Variants in INTS6L observed in about 807,000 individuals in gnomAD.
INTS6L encodes the protein integrator complex subunit 6 like, also known as integrator complex subunit 6-like.
In INTS6L, 18 loss-of-function variants were observed where a neutral mutation model predicts 64.7. The ratio of observed to expected loss-of-function variants is 0.28; its 90% CI spans 0.19 to 0.41. INTS6L has a LOEUF of 0.41. INTS6L is among the 10% of genes least tolerant of loss of function. The pLI is 1.00. For synonymous variants in INTS6L, 227 were observed against 235.9 expected, an observed-to-expected ratio of 0.96 and a Z score of 0.34; for missense variants, 533 against 661.0, an observed-to-expected ratio of 0.81 and a Z score of 2.12.
intron 2 of INTS6L, among the ~76,000 whole-genome samples, chrX:135,521,719 G>C (rs1466693362): frequency 1.1e-4 from 11 of 97,515 alleles, no homozygotes; most frequent in African/African-American, 4.1e-4. Flanking sequence ...CTGCGAGGCG[G>C]GCCCGCCCCT....
At chrX:135,544,829 ACT>A (rs1569509890) in intron 2 of INTS6L, among the ~76,000 whole-genome samples, 1 of 111,310 alleles carries the variant, frequency 9.0e-6, no homozygotes, top group Non-Finnish European at 1.9e-5. Context: ...CTTTGCCAAA[ACT>A]TTTTGTTTCT....
rs1345413847 is a variant in INTS6L, at chrX:135,547,177, A to G, written c.654A>G (p.Gln218=). ...TGAGAACACAAAGAATGTTGAATCA[A>G]TGTTTAGAATCTCTAGTTCAAAAAG... The part of the protein sequence containing the change: ...YCVRTQRMLN[Q]CLESLVQKVQ... The change falls in exon 6 of 18, where the codon CAA becomes CAG. Residue 218 remains glutamine (Q), a synonymous_variant. Coordinates refer to ENST00000639893, the MANE Select transcript of INTS6L (RefSeq NM_001351601.3). 1 of 1,208,893 alleles carries G rather than the reference A, an allele frequency of 8.3e-7. No homozygotes were observed. The highest frequency in any genetic ancestry group is 1.1e-6 in the Non-Finnish European group (1 of 894,483).
At chrX:135,530,259 T>C (rs782013595) in intron 2 of INTS6L, among the ~76,000 whole-genome samples, 37 of 112,276 alleles carry the variant, frequency 3.3e-4, no homozygotes, top group Non-Finnish European at 6.4e-4. Flanking sequence ...TTGTGGTGCA[T>C]ATGTTTGTAA....
chrX:135,563,627 G>GTA (rs144797909), intron 9 of INTS6L, among the ~76,000 whole-genome samples: 2 of 3,058 alleles, frequency 6.5e-4, no homozygotes, highest in African/African-American at 7.4e-4. Flanking sequence ...ATATGTGTGT[G>GTA]TGTGTGTATA....
At chrX:135,577,671 A>G (rs191136827) in intron 15 of INTS6L, among the ~76,000 whole-genome samples, 4 of 112,339 alleles carry the variant, frequency 3.6e-5, no homozygotes, top group African/African-American at 6.5e-5. Flanking sequence ...ACAGTAATTA[A>G]CAGTAATGAA....
intron 17 of INTS6L, 80 bp downstream of exon 17, chrX:135,581,223 T>A: frequency 1.3e-6 from 1 of 748,614 alleles, no homozygotes; most frequent in Non-Finnish European, 1.9e-6. Flanking sequence ...AAGAGAGGAA[T>A]AGGCTCTGCC....
At chrX:135,522,824 A>G (rs782373178) in intron 2 of INTS6L, among the ~76,000 whole-genome samples, 58 of 112,613 alleles carry the variant, frequency 5.2e-4, no homozygotes, top group African/African-American at 1.7e-3. Flanking sequence ...TTGTGATTCT[A>G]TCCATTTAGA....
intron 6 of INTS6L, among the ~76,000 whole-genome samples, chrX:135,549,024 T>A (rs1556516172): frequency 8.9e-6 from 1 of 112,027 alleles, no homozygotes. Flanking sequence ...AGTGAATTAG[T>A]CCACGATAAA....
At chrX:135,521,383 C>G in intron 2 of INTS6L, 65 bp downstream of exon 2, 1 of 1,087,284 alleles carries the variant, frequency 9.2e-7, no homozygotes, top group Non-Finnish European at 1.2e-6. Context: ...GCTGCTTACC[C>G]CCCTGCCCCC....
At chrX:135,561,461 T>C (rs976710606) in intron 9 of INTS6L, among the ~76,000 whole-genome samples, 2 of 112,267 alleles carry the variant, frequency 1.8e-5, no homozygotes, top group East Asian at 5.5e-4. Flanking sequence ...TTTGTGTCTA[T>C]ATTCATGAAA....
chrX:135,563,699 C>T (rs1044624638), intron 9 of INTS6L, among the ~76,000 whole-genome samples: 4 of 100,864 alleles, frequency 4.0e-5, no homozygotes, highest in Non-Finnish European at 5.9e-5. Flanking sequence ...ATAGAATTCT[C>T]GGTTGACAGT....
intron 14 of INTS6L, 140 bp downstream of exon 14, chrX:135,575,366 G>T: frequency 1.3e-6 from 1 of 751,347 alleles, no homozygotes; most frequent in Non-Finnish European, 1.9e-6. Flanking sequence ...GGCTCTTAGT[G>T]GGAGCCTCCT....
intron 2 of INTS6L, among the ~76,000 whole-genome samples, chrX:135,533,991 T>C (rs935522226): frequency 2.7e-5 from 3 of 110,846 alleles, no homozygotes; most frequent in African/African-American, 9.9e-5. Flanking sequence ...AGCAGTGCAA[T>C]TGACTTTTGG....
Position 135,573,050 on chromosome X carries a change from A to G in INTS6L, c.1617+17A>G. On this transcript the variant is annotated intron_variant, in intron 12 of 17. Coordinates refer to ENST00000639893, the MANE Select transcript of INTS6L (RefSeq NM_001351601.3). ...TTAAACAAGGTAAATTGTGACATAAATAGTTTGTATTTGTTTGAACTTGTC... is the reference window on the plus strand; with the variant it reads ...TTAAACAAGGTAAATTGTGACATAAGTAGTTTGTATTTGTTTGAACTTGTC... 8.7e-7 allele frequency: 1 copy of G among 1,148,806 alleles called. No homozygotes were observed. The highest frequency in any genetic ancestry group is 1.2e-6 in the Non-Finnish European group (1 of 843,481). The allele number at this position is 1,148,806 out of a possible 1,213,427, so 94.7% of individuals were successfully genotyped here.
At chrX:135,566,758 AC>A (rs1339512578) in intron 9 of INTS6L, among the ~76,000 whole-genome samples, 1 of 112,191 alleles carries the variant, frequency 8.9e-6, no homozygotes, top group Non-Finnish European at 1.9e-5. Flanking sequence ...TTCTATTGAG[AC>A]CTAATAACTG....
At chrX:135,548,664 A>G (rs1325717134) in intron 6 of INTS6L, among the ~76,000 whole-genome samples, 3 of 110,834 alleles carry the variant, frequency 2.7e-5, no homozygotes, top group African/African-American at 9.8e-5. Flanking sequence ...TGTGAGCTCA[A>G]CTTTGGGGGG....
At chrX:135,547,841 C>T (rs781971450) in intron 6 of INTS6L, among the ~76,000 whole-genome samples, 1 of 111,311 alleles carries the variant, frequency 9.0e-6, no homozygotes. Context: ...AGTAGGGTGA[C>T]TTTTGCATAG....
intron 9 of INTS6L, among the ~76,000 whole-genome samples, chrX:135,557,888 A>G (rs1034343658): frequency 2.7e-5 from 3 of 112,259 alleles, no homozygotes; most frequent in Non-Finnish European, 3.8e-5. Flanking sequence ...TGCAAATCAT[A>G]TATCTTATAA....
At chrX:135,536,746 GAGGGATACTA>G (rs2086065237) in intron 2 of INTS6L, among the ~76,000 whole-genome samples, 1 of 111,522 alleles carries the variant, frequency 9.0e-6, no homozygotes, top group Non-Finnish European at 1.9e-5. Flanking sequence ...TTAGGATACT[GAGGGATACTA>G]AAGTTTAGGG....
Sources: allele counts gnomAD v4.1 joint callset (sites outside exome capture counted in the v4.1 genomes callset), GRCh38; gene constraint gnomAD v4.1.1; transcripts MANE v1.5; gene names NCBI Gene and HGNC (gene_info 2026-07-23, HGNC 2026-07-21).